NRIP1: variants seen among roughly 807,000 people sequenced by gnomAD.
The protein encoded by NRIP1 is nuclear receptor interacting protein 1.
Under a neutral mutation model 75.0 loss-of-function variants are expected in NRIP1, and 28 were observed. The ratio of observed to expected loss-of-function variants is 0.37; its 90% CI spans 0.28 to 0.51. NRIP1 has a LOEUF of 0.51. Among genes scored for constraint, NRIP1 ranks in the 20% least tolerant of loss-of-function variants. NRIP1 has a pLI of 0.92. For synonymous variants in NRIP1, 526 were observed against 487.6 expected (o/e 1.08, Z -1.04); for missense variants, 1,435 against 1,343.7 (o/e 1.07, Z -1.06).
rs76202769 is a variant in NRIP1 at position 15,026,835 on chromosome 21, T to C, written c.-457-12369A>G. On this transcript the variant is annotated intron_variant, in intron 2 of 3. Transcript: ENST00000318948. ...GTATAAATAAATTTCAAAAAACCAA[T>C]ATAAGTTGAAAAAACAAGTCTCATA... 5.9e-5 allele frequency among the ~76,000 whole-genome samples: 9 copies of C among 152,002 alleles called. No individual in the cohort carries two copies. In the East Asian group the frequency reaches 1.3e-3, roughly 23 times the overall value.
At chr21:15,003,866 T>C (rs1053605600) in intron 3 of NRIP1, among the ~76,000 whole-genome samples, 17 of 152,206 alleles carry the variant, frequency 1.1e-4, no homozygotes, top group South Asian at 8.3e-4. Context: ...ATCGATGAAT[T>C]AGGACAGTAA....
intron 1 of NRIP1, among the ~76,000 whole-genome samples, chr21:15,049,259 AC>A: frequency 6.6e-6 from 1 of 152,228 alleles, no homozygotes; most frequent in East Asian, 1.9e-4. Flanking sequence ...ATTTTTTATA[AC>A]CTAAACACGA....
chr21:15,056,500 T>C (rs540540559), intron 1 of NRIP1, among the ~76,000 whole-genome samples: 1 of 152,154 alleles, frequency 6.6e-6, no homozygotes, highest in South Asian at 2.1e-4. Context: ...TCAGTGTATT[T>C]TAATTCATTT....
chr21:14,976,518 CAGT>C (rs2087074120), intron 3 of NRIP1, among the ~76,000 whole-genome samples: 1 of 152,042 alleles, frequency 6.6e-6, no homozygotes, highest in Non-Finnish European at 1.5e-5. Flanking sequence ...AAATAAAAGA[CAGT>C]AGTAAATACT....
chr21:15,031,193 A>ACG (rs2088676850), intron 2 of NRIP1, among the ~76,000 whole-genome samples: 1 of 110,642 alleles, frequency 9.0e-6, no homozygotes, highest in South Asian at 3.5e-4. Flanking sequence ...GAAGGCGTTC[A>ACG]GAGGTTCACC....
intron 3 of NRIP1, among the ~76,000 whole-genome samples, chr21:15,004,874 A>G (rs1390591210): frequency 1.3e-5 from 2 of 152,216 alleles, no homozygotes; most frequent in Non-Finnish European, 2.9e-5. Context: ...GAGGCAATAA[A>G]GAAGCACTTT....
intron 2 of NRIP1, among the ~76,000 whole-genome samples, chr21:15,022,380 G>C (rs569415769): frequency 6.4e-4 from 97 of 152,284 alleles, no homozygotes; most frequent in African/African-American, 2.3e-3. Flanking sequence ...CACTGGGCCT[G>C]TTGGGTGGGA....
At chr21:15,055,240 T>G (rs998969469) in intron 1 of NRIP1, among the ~76,000 whole-genome samples, 22 of 152,160 alleles carry the variant, frequency 1.4e-4, no homozygotes, top group African/African-American at 5.1e-4. Context: ...ACATTAATGG[T>G]GTTGGAATAC....
chr21:14,995,481 G>A (rs2087695233), intron 3 of NRIP1, among the ~76,000 whole-genome samples: 1 of 152,146 alleles, frequency 6.6e-6, no homozygotes. Context: ...AAAATATTAT[G>A]AAATGTAGGT....
rs1021050922 is a variant in NRIP1 at position 15,064,772 on chromosome 21, G to T, written c.-565C>A. ...CAGGCCGCCGCGGCTCCCAGCCTCC[G>T]GCTCCGTCAGGCTCGGTCCGCGAAG... On this transcript the variant is annotated 5_prime_UTR_variant, in exon 1 of 4. Coordinates refer to ENST00000318948, the MANE Select transcript of NRIP1 (RefSeq NM_003489.4). The T allele has an allele frequency of 2.0e-5, 3 of 147,560 alleles. No homozygotes were observed. The highest frequency in any genetic ancestry group is 3.0e-5 in the Non-Finnish European group (2 of 66,386). 9.1% of individuals were successfully genotyped at this position (147,560 alleles called of 1,614,324 possible).
At chr21:14,999,383 C>T (rs995786903) in intron 3 of NRIP1, among the ~76,000 whole-genome samples, 70 of 152,036 alleles carry the variant, frequency 4.6e-4, no homozygotes, top group African/African-American at 1.6e-3. Context: ...AGTCCACATC[C>T]ATAGGGAGCA....
chr21:14,987,287 A>G (rs964002443), intron 3 of NRIP1, among the ~76,000 whole-genome samples: 1 of 152,238 alleles, frequency 6.6e-6, no homozygotes, highest in Non-Finnish European at 1.5e-5. Context: ...CACATAGCCT[A>G]GCCACAGAGT....
chr21:15,027,405 C>A (rs961075078), intron 2 of NRIP1, among the ~76,000 whole-genome samples: 1 of 152,150 alleles, frequency 6.6e-6, no homozygotes, highest in African/African-American at 2.4e-5. Context: ...TGACAAGTAT[C>A]TTGTTTAGGT....
chr21:14,975,072 C>CTG (rs1170074285), intron 3 of NRIP1, among the ~76,000 whole-genome samples: 1 of 151,590 alleles, frequency 6.6e-6, no homozygotes, highest in African/African-American at 2.4e-5. Flanking sequence ...ATGATAGCAC[C>CTG]TGTGCACTTT....
intron 2 of NRIP1, among the ~76,000 whole-genome samples, chr21:15,024,480 T>A (rs1362176215): frequency 1.3e-5 from 2 of 152,052 alleles, no homozygotes; most frequent in Non-Finnish European, 2.9e-5. Flanking sequence ...AGGCGGAGGT[T>A]GCAGTGAGCT....
chr21:15,029,829 T>A (rs79415571), intron 2 of NRIP1, among the ~76,000 whole-genome samples: 2 of 17,682 alleles, frequency 1.1e-4, no homozygotes, highest in Non-Finnish European at 2.1e-4. Flanking sequence ...GGAAAACAAA[T>A]AAATAAATAA....
At chr21:15,063,315 G>T (rs1297303534) in intron 1 of NRIP1, among the ~76,000 whole-genome samples, 1 of 152,136 alleles carries the variant, frequency 6.6e-6, no homozygotes, top group Non-Finnish European at 1.5e-5. Flanking sequence ...TCACTTACTT[G>T]GAAGGTGAAA....
chr21:14,968,218 T>G lies in NRIP1; in HGVS notation c.-26A>C. The G allele has an allele frequency of 6.6e-7, 1 of 1,505,584 alleles. No homozygotes were observed. The highest frequency in any genetic ancestry group is 2.3e-5 in the East Asian group (1 of 44,264). 93.3% of individuals were successfully genotyped at this position (1,505,584 alleles called of 1,614,324 possible). Reference sequence around the variant, plus strand: ...GTTCAATAGAAGTGTTCACAAGGGCTTGGTTTCTATTCACTTTAAAGAATG... The same window carrying G: ...GTTCAATAGAAGTGTTCACAAGGGCGTGGTTTCTATTCACTTTAAAGAATG... On this transcript the variant is annotated 5_prime_UTR_variant, in exon 4 of 4. Coordinates refer to ENST00000318948, the MANE Select transcript of NRIP1 (RefSeq NM_003489.4).
intron 2 of NRIP1, among the ~76,000 whole-genome samples, chr21:15,033,677 A>T (rs904698495): frequency 1.3e-5 from 2 of 152,244 alleles, no homozygotes; most frequent in Non-Finnish European, 2.9e-5. Context: ...CTGTTACAAT[A>T]CTGCTAAGAC....
Sources: gnomAD v4.1 joint callset for allele counts (sites outside exome capture counted in the v4.1 genomes callset) on GRCh38, gnomAD v4.1.1 for gene constraint, MANE v1.5 for transcripts, NCBI Gene and HGNC (gene_info 2026-07-23, HGNC 2026-07-21) for gene names.